CLASP1: variants seen among roughly 807,000 people sequenced by gnomAD.
The protein encoded by CLASP1 is CLIP-associating protein 1.
In CLASP1, 38 loss-of-function variants were observed where a neutral mutation model predicts 192.3. The ratio of observed to expected loss-of-function variants is 0.20; its 90% CI spans 0.15 to 0.26. The LOEUF (loss-of-function observed/expected upper bound fraction) is 0.26, where lower values mean the gene tolerates loss of function less well. Ranked by LOEUF, CLASP1 falls within the 10% of genes least tolerant of loss-of-function variation. The pLI is 1.00. For synonymous variants in CLASP1, 691 were observed against 712.8 expected (o/e 0.97, Z 0.49); for missense variants, 1,433 against 1,932.5 (o/e 0.74, Z 4.85).
chr2:121,635,387 T>C (rs1293731253), intron 1 of CLASP1, among the ~76,000 whole-genome samples: 1 of 152,180 alleles, frequency 6.6e-6, no homozygotes, highest in Admixed American at 6.5e-5. Context: ...TAATAATAAA[T>C]GTCTTCTAAA....
At chr2:121,346,309 C>T (rs986321326) in intron 39 of CLASP1, among the ~76,000 whole-genome samples, 1 of 152,250 alleles carries the variant, frequency 6.6e-6, no homozygotes. Context: ...CATGCCTCTC[C>T]TGCCACAGCA....
chr2:121,623,053 G>A (rs1229153360), intron 1 of CLASP1, among the ~76,000 whole-genome samples: 4 of 151,808 alleles, frequency 2.6e-5, no homozygotes, highest in Non-Finnish European at 5.9e-5. Flanking sequence ...GTAAAACTCC[G>A]TCTATATAAA....
chr2:121,545,646 G>C (rs2095314601), intron 2 of CLASP1, among the ~76,000 whole-genome samples: 1 of 152,132 alleles, frequency 6.6e-6, no homozygotes, highest in Admixed American at 6.5e-5. Flanking sequence ...GATGAAGTCA[G>C]CTCTAGAGAT....
intron 1 of CLASP1, among the ~76,000 whole-genome samples, chr2:121,634,790 G>A (rs144945997): frequency 1.7e-3 from 265 of 152,234 alleles, no homozygotes; most frequent in Non-Finnish European, 2.8e-3. Flanking sequence ...TTTTTAGAGG[G>A]CCATCTTCCT....
chr2:121,538,499 T>C (rs935045645), intron 2 of CLASP1, among the ~76,000 whole-genome samples: 2 of 151,082 alleles, frequency 1.3e-5, no homozygotes, highest in Non-Finnish European at 3.0e-5. Context: ...AAAAAAAATC[T>C]AGAAGGCGCT....
chr2:121,361,167 A>G (rs1329775724), intron 37 of CLASP1, among the ~76,000 whole-genome samples: 10 of 152,104 alleles, frequency 6.6e-5, no homozygotes, highest in Admixed American at 1.3e-4. Flanking sequence ...AACAACTGAT[A>G]TCATCTCTAT....
intron 18 of CLASP1, among the ~76,000 whole-genome samples, chr2:121,447,819 A>C (rs1574943021): frequency 1.3e-5 from 2 of 152,182 alleles, no homozygotes; most frequent in South Asian, 4.1e-4. Flanking sequence ...AAAAATGCTC[A>C]CATCTAGGGC....
intron 1 of CLASP1, among the ~76,000 whole-genome samples, chr2:121,630,875 AG>A (rs376699838): frequency 2.7e-5 from 4 of 149,974 alleles, no homozygotes; most frequent in African/African-American, 9.8e-5. Flanking sequence ...AAAAAAAAAA[AG>A]AGGCCGGGCG....
At chr2:121,648,146 G>A (rs1559871272) in intron 1 of CLASP1, among the ~76,000 whole-genome samples, 1 of 152,170 alleles carries the variant, frequency 6.6e-6, no homozygotes, top group Non-Finnish European at 1.5e-5. Context: ...TGAGCAAACG[G>A]AGCCAATATC....
At chr2:121,614,035 C>G (rs2066050882) in intron 1 of CLASP1, among the ~76,000 whole-genome samples, 1 of 152,164 alleles carries the variant, frequency 6.6e-6, no homozygotes, top group Non-Finnish European at 1.5e-5. Context: ...CACATGATCT[C>G]TAACCATTCA....
chr2:121,360,961 T>C (rs1050988808), intron 37 of CLASP1, among the ~76,000 whole-genome samples: 2 of 151,858 alleles, frequency 1.3e-5, no homozygotes, highest in Non-Finnish European at 2.9e-5. Flanking sequence ...TTTCTAATTT[T>C]GCAGAAAAAA....
chr2:121,402,086 AAAC>A (rs530168723), intron 26 of CLASP1, among the ~76,000 whole-genome samples: 191 of 152,334 alleles, frequency 1.3e-3, no homozygotes, highest in African/African-American at 4.4e-3. Flanking sequence ...TTTCTTTCTT[AAAC>A]AACAACAAAT....
intron 1 of CLASP1, among the ~76,000 whole-genome samples, chr2:121,621,562 A>T (rs1368681954): frequency 6.6e-6 from 1 of 152,190 alleles, no homozygotes; most frequent in African/African-American, 2.4e-5. Context: ...ATTTGTTGAA[A>T]AAGATTATTC....
chr2:121,648,318 G>T (rs2073560947), intron 1 of CLASP1, among the ~76,000 whole-genome samples: 1 of 152,142 alleles, frequency 6.6e-6, no homozygotes, highest in African/African-American at 2.4e-5. Context: ...CTGCATCACG[G>T]TCTCCCAAAG....
intron 8 of CLASP1, among the ~76,000 whole-genome samples, chr2:121,476,491 C>A (rs1459520696): frequency 1.3e-5 from 2 of 152,304 alleles, no homozygotes; most frequent in Middle Eastern, 3.4e-3. Flanking sequence ...AGCTTTGGGC[C>A]ATACTGTTCG....
chr2:121,395,090 C>A (rs1018923932), intron 30 of CLASP1, among the ~76,000 whole-genome samples: 1 of 152,082 alleles, frequency 6.6e-6, no homozygotes, highest in African/African-American at 2.4e-5. Context: ...GAGTTCTACA[C>A]CTGCAAGAGA....
chr2:121,624,710 C>A (rs530532653), intron 1 of CLASP1, among the ~76,000 whole-genome samples: 1 of 152,208 alleles, frequency 6.6e-6, no homozygotes, highest in Admixed American at 6.6e-5. Context: ...AGCCAGTGCG[C>A]CCAGCCCAGG....
chr2:121,448,287 G>A, exon 18 of CLASP1: 1 of 1,613,520 alleles, frequency 6.2e-7, no homozygotes, highest in Non-Finnish European at 8.5e-7. Flanking sequence ...TCTAGATGTG[G>A]TACTTCCAGT....
chr2:121,451,026 A>C (rs754931410), intron 15 of CLASP1, 36 bp from the exon 16 acceptor site: 1 of 1,360,318 alleles, frequency 7.4e-7, no homozygotes, highest in Non-Finnish European at 1.0e-6. Flanking sequence ...AACAATCATA[A>C]ATGTATGGTT....
Sources: allele counts gnomAD v4.1 joint callset (sites outside exome capture counted in the v4.1 genomes callset), GRCh38; gene constraint gnomAD v4.1.1; transcripts MANE v1.5; gene names NCBI Gene and HGNC (gene_info 2026-07-23, HGNC 2026-07-21).